Variants in SFMBT1 observed in about 807,000 individuals in gnomAD.
SFMBT1 encodes Scm like with four mbt domains 1, also known as scm-like with four MBT domains protein 1.
SFMBT1 carries 32 observed loss-of-function variants against 108.7 expected under a neutral mutation model. The observed-to-expected ratio is 0.29, with a 90% confidence interval of 0.22 to 0.40. SFMBT1 has a LOEUF of 0.40. Ranked by LOEUF, SFMBT1 falls within the 10% of genes least tolerant of loss-of-function variation. SFMBT1 has a pLI of 1.00. For synonymous variants in SFMBT1, 348 were observed against 369.5 expected, an observed-to-expected ratio of 0.94 and a Z score of 0.67; for missense variants, 816 against 1,059.6, an observed-to-expected ratio of 0.77 and a Z score of 3.19.
At chr3:52,998,747 G>A (rs1488766007) in intron 1 of SFMBT1, among the ~76,000 whole-genome samples, 1 of 150,690 alleles carries the variant, frequency 6.6e-6, no homozygotes, top group Admixed American at 6.7e-5. Context: ...TCCTGTGGGC[G>A]TATCAACAGG....
intron 19 of SFMBT1, among the ~76,000 whole-genome samples, chr3:52,906,511 G>A (rs1449907776): frequency 6.6e-6 from 1 of 152,214 alleles, no homozygotes; most frequent in African/African-American, 2.4e-5. Flanking sequence ...ACAGGGTGCT[G>A]AAGAGAAGGG....
intron 2 of SFMBT1, among the ~76,000 whole-genome samples, chr3:52,960,354 T>C (rs1432666024): frequency 6.6e-6 from 1 of 152,202 alleles, no homozygotes; most frequent in East Asian, 1.9e-4. Flanking sequence ...AACTGTATTA[T>C]GTTTCACTTC....
At chr3:53,002,883 C>T (rs963635541) in intron 1 of SFMBT1, among the ~76,000 whole-genome samples, 1 of 150,056 alleles carries the variant, frequency 6.7e-6, no homozygotes, top group Non-Finnish European at 1.5e-5. Context: ...TGGGTGTTTT[C>T]CCCCGCTCTC....
Position 52,903,733 on chromosome 3 carries a change from C to G in SFMBT1, c.*1403G>C, listed in dbSNP as rs1208416093. On this transcript the variant is annotated 3_prime_UTR_variant, in exon 21 of 21. Transcript: ENST00000394752. ...AAGCAAACCATTTAAGGGAGACAAC[C>G]TATGTATGTTTTTCCTCACTCCTCA... 6.6e-6 allele frequency: 1 copy of G among 152,120 alleles called. No individual in the cohort carries two copies. The highest frequency in any genetic ancestry group is 1.9e-4 in the East Asian group (1 of 5,194). 9.4% of individuals were successfully genotyped at this position (152,120 alleles called of 1,614,324 possible). A position where few individuals can be genotyped will look rare whatever the true frequency, so the allele number is the denominator to read the frequency against.
At chr3:53,019,781 T>A (rs1379536767) in intron 1 of SFMBT1, among the ~76,000 whole-genome samples, 2 of 152,214 alleles carry the variant, frequency 1.3e-5, no homozygotes, top group East Asian at 3.8e-4. Flanking sequence ...CATACAGGCA[T>A]TTTTTAAAAC....
At chr3:53,041,565 G>A (rs1700053209) in intron 1 of SFMBT1, among the ~76,000 whole-genome samples, 1 of 152,026 alleles carries the variant, frequency 6.6e-6, no homozygotes, top group Non-Finnish European at 1.5e-5. Flanking sequence ...AGGAATGGTG[G>A]TGCATGCCCA....
At chr3:52,981,431 C>T (rs547490998) in intron 1 of SFMBT1, among the ~76,000 whole-genome samples, 4 of 151,962 alleles carry the variant, frequency 2.6e-5, no homozygotes, top group East Asian at 1.9e-4. Flanking sequence ...GGCATGAGCT[C>T]GGATCACTGC....
rs529753118 is a variant in SFMBT1, at chr3:53,013,087, C to G, written c.-131+32729G>C. ...CATCTAAAAGACCAATCACAATCATCTGAAAATCTGCTTTAGGAATTGTGG... is the reference window on the plus strand; with the variant it reads ...CATCTAAAAGACCAATCACAATCATGTGAAAATCTGCTTTAGGAATTGTGG... On this transcript the variant is annotated intron_variant, in intron 1 of 20. Transcript: ENST00000394752. Among the ~76,000 whole-genome samples, 28 of 151,882 alleles carry G rather than the reference C, an allele frequency of 1.8e-4. No homozygotes were observed. The South Asian group carries it at 5.4e-3, about 29-fold the overall frequency.
In SFMBT1 at chr3:52,906,130, T is replaced by C. The variant is rs780629488; in HGVS notation, c.2443A>G (p.Arg815Gly). Reference sequence around the variant, plus strand: ...GTGATTACCTGGTCTAGGAATATTCTTGCTAATGGAGCACAGTCAGTGGAT... The same window carrying C: ...GTGATTACCTGGTCTAGGAATATTCCTGCTAATGGAGCACAGTCAGTGGAT... Reference protein sequence around the residue: ...IRSTDCAPLARIFLDQEIDGQ... With the variant: ...IRSTDCAPLAGIFLDQEIDGQ... Residue 815 changes from arginine to glycine, a missense_variant, in exon 20 of 21, where the codon AGA (arginine) becomes GGA (glycine). Transcript: ENST00000394752. The C allele has an allele frequency of 1.3e-5, 21 of 1,614,034 alleles. No homozygotes were observed. The highest frequency in any genetic ancestry group is 1.7e-5 in the Non-Finnish European group (20 of 1,179,980).
At chr3:52,947,120 C>CTTT (rs111716780) in intron 3 of SFMBT1, among the ~76,000 whole-genome samples, 1 of 139,740 alleles carries the variant, frequency 7.2e-6, no homozygotes, top group South Asian at 2.3e-4. Flanking sequence ...GTCTTTTTCA[C>CTTT]TTTTTTTTTT....
At chr3:52,925,303 C>T (rs1377215051) in intron 10 of SFMBT1, among the ~76,000 whole-genome samples, 1 of 151,934 alleles carries the variant, frequency 6.6e-6, no homozygotes, top group Non-Finnish European at 1.5e-5. Flanking sequence ...TTGTATTTAA[C>T]CAAAAATTGT....
intron 19 of SFMBT1, 73 bp downstream of exon 19, chr3:52,906,996 C>G: frequency 6.6e-7 from 1 of 1,507,148 alleles, no homozygotes; most frequent in Non-Finnish European, 8.9e-7. Context: ...ATGTCAATAT[C>G]ACTAATAATC....
chr3:52,919,574 T>C (rs1476117775), intron 12 of SFMBT1, among the ~76,000 whole-genome samples: 1 of 152,204 alleles, frequency 6.6e-6, no homozygotes, highest in African/African-American at 2.4e-5. Flanking sequence ...AATCTGACTA[T>C]GGTGATAGCT....
rs1206001338 is a variant in SFMBT1, at chr3:52,911,066, C to T, written c.1843G>A (p.Gly615Ser). Residue 615 changes from glycine (G) to serine (S), a missense_variant, in exon 17 of 21, where the codon GGT becomes AGT. Gly to Ser is a moderately conservative substitution (Grantham distance 56). Coordinates refer to ENST00000394752, the MANE Select transcript of SFMBT1 (RefSeq NM_016329.4). The stretch of plus-strand genomic sequence containing the variant: ...CACTTATCCAGAACCATCCGTGGAC[C>T]GAAGAGGTTAGGACAGCATTCCAGT... The part of the protein sequence containing the change: ...IKLECCPNLF[G>S]PRMVLDKCSE... The T allele has an allele frequency of 6.2e-7, 1 of 1,614,070 alleles. No individual in the cohort carries two copies. Among genetic ancestry groups the T allele is most frequent in the African/African-American group, 1.3e-5 (1 of 75,022 alleles).
At chr3:52,917,344 G>T (rs1207656771) in intron 13 of SFMBT1, among the ~76,000 whole-genome samples, 1 of 152,066 alleles carries the variant, frequency 6.6e-6, no homozygotes, top group Non-Finnish European at 1.5e-5. Flanking sequence ...AGGTCATAAG[G>T]GTAGGCTATA....
intron 8 of SFMBT1, among the ~76,000 whole-genome samples, chr3:52,929,179 T>A (rs1214370271): frequency 6.6e-6 from 1 of 152,216 alleles, no homozygotes. Flanking sequence ...TTTAAGCTTA[T>A]GCTACTATGT....
intron 2 of SFMBT1, among the ~76,000 whole-genome samples, chr3:52,962,473 C>A (rs904283709): frequency 7.2e-5 from 11 of 152,062 alleles, no homozygotes; most frequent in Non-Finnish European, 1.6e-4. Context: ...AACCACACTA[C>A]CAAACAGTAT....
chr3:52,941,400 C>T (rs1410479340), intron 4 of SFMBT1, among the ~76,000 whole-genome samples: 7 of 151,946 alleles, frequency 4.6e-5, no homozygotes, highest in African/African-American at 1.7e-4. Context: ...TCAAGACCAG[C>T]CTGGCCAACA....
intron 1 of SFMBT1, among the ~76,000 whole-genome samples, chr3:53,027,207 A>G (rs1030465578): frequency 6.6e-6 from 1 of 152,252 alleles, no homozygotes; most frequent in Non-Finnish European, 1.5e-5. Context: ...ATATAGAAGT[A>G]TTCACAAATC....
Sources: gnomAD v4.1 joint callset for allele counts (sites outside exome capture counted in the v4.1 genomes callset) on GRCh38, gnomAD v4.1.1 for gene constraint, MANE v1.5 for transcripts, NCBI Gene and HGNC (gene_info 2026-07-23, HGNC 2026-07-21) for gene names.